Variants in MORC4 observed in about 807,000 individuals in gnomAD.
MORC4 encodes MORC family CW-type zinc finger protein 4.
A neutral mutation model predicts 65.5 loss-of-function variants in MORC4; 22 were observed. That is an observed-to-expected ratio of 0.34 (90% CI 0.24 to 0.48). The LOEUF is 0.48. MORC4 is among the 20% of genes least tolerant of loss of function. The pLI is 0.99. For missense variants in MORC4, 624 were observed against 703.0 expected, an observed-to-expected ratio of 0.89 and a Z score of 1.27; for synonymous variants, 267 against 255.8, an observed-to-expected ratio of 1.04 and a Z score of -0.42.
chrX:106,960,689 A>G (rs1934217060), intron 10 of MORC4, among the ~76,000 whole-genome samples: 1 of 111,428 alleles, frequency 9.0e-6, no homozygotes, highest in Non-Finnish European at 1.9e-5. Flanking sequence ...CAGCACACAC[A>G]CTCTCTAGCA....
chrX:106,990,691 G>T, intron 3 of MORC4, among the ~76,000 whole-genome samples: 1 of 112,015 alleles, frequency 8.9e-6, no homozygotes, highest in Non-Finnish European at 1.9e-5. Context: ...GGCCAACATG[G>T]TGAAACCCCG....
chrX:106,972,567 C>A (rs779985474), intron 9 of MORC4, among the ~76,000 whole-genome samples: 2 of 111,793 alleles, frequency 1.8e-5, no homozygotes, highest in South Asian at 7.6e-4. Context: ...CTGCCAAGAG[C>A]CTCTTGTTGG....
At chrX:106,994,137 C>T (rs776848663) in intron 2 of MORC4, among the ~76,000 whole-genome samples, 2 of 112,500 alleles carry the variant, frequency 1.8e-5, no homozygotes, top group South Asian at 7.5e-4. Flanking sequence ...ATTTAAGACT[C>T]CAAAGACATC....
At chrX:106,974,586 G>C (rs1379549197) in intron 9 of MORC4, among the ~76,000 whole-genome samples, 7 of 111,933 alleles carry the variant, frequency 6.3e-5, no homozygotes, top group Non-Finnish European at 1.1e-4. Context: ...GTTGATTAAA[G>C]AGCTTTTTTA....
intron 2 of MORC4, among the ~76,000 whole-genome samples, chrX:106,997,962 A>G (rs995999815): frequency 5.4e-5 from 6 of 111,859 alleles, no homozygotes; most frequent in African/African-American, 9.8e-5. Flanking sequence ...ATCGATTTCC[A>G]TTTTGTTGTT....
rs1934253570 is a variant in MORC4 at position 106,961,889 on chromosome X, T to C, written c.1256+123A>G. The C allele has an allele frequency of 5.5e-6, 3 of 540,714 alleles. No homozygotes were observed. In the African/African-American group the frequency reaches 6.9e-5, roughly 13 times the overall value. 44.6% of individuals were successfully genotyped at this position (540,714 alleles called of 1,213,427 possible). On this transcript the variant is annotated intron_variant, in intron 10 of 16. Coordinates refer to ENST00000355610, the MANE Select transcript of MORC4 (RefSeq NM_024657.5). ...ACCACGAAGGTCTGCAGCTTCATTC[T>C]TGAAGTCAGTGACACCACGAACCCA... is the stretch of plus-strand genomic sequence containing the variant.
chrX:106,988,343 T>C (rs1184896302), intron 3 of MORC4, among the ~76,000 whole-genome samples: 4 of 111,846 alleles, frequency 3.6e-5, no homozygotes, highest in Admixed American at 9.5e-5. Context: ...TTTTCCCCTT[T>C]GAAAGTATAA....
At chrX:106,956,604 T>C (rs1257284758) in intron 12 of MORC4, 70 bp from the exon 13 acceptor site, 4 of 859,489 alleles carry the variant, frequency 4.7e-6, no homozygotes, top group East Asian at 3.1e-5. Flanking sequence ...CTGCCAATTG[T>C]AGATTTAGGT....
chrX:106,961,125 T>G (rs984777903), intron 10 of MORC4, among the ~76,000 whole-genome samples: 6 of 111,554 alleles, frequency 5.4e-5, no homozygotes, highest in African/African-American at 2.0e-4. Context: ...CCAGCAATAT[T>G]CACTAGGAAT....
At chrX:106,963,342 T>A (rs947876085) in intron 9 of MORC4, among the ~76,000 whole-genome samples, 1 of 111,856 alleles carries the variant, frequency 8.9e-6, no homozygotes, top group Admixed American at 9.5e-5. Context: ...GTTTGCAACT[T>A]CCAGGAGAAG....
At chrX:106,971,910 C>T (rs947926713) in intron 9 of MORC4, among the ~76,000 whole-genome samples, 2 of 111,718 alleles carry the variant, frequency 1.8e-5, no homozygotes, top group Admixed American at 9.5e-5. Flanking sequence ...GACAGTGTGG[C>T]GATTCCTCAA....
chrX:106,945,919 T>C (rs1602472908), intron 14 of MORC4, among the ~76,000 whole-genome samples: 1 of 111,899 alleles, frequency 8.9e-6, no homozygotes, highest in East Asian at 2.8e-4. Context: ...ATCAGTTTTG[T>C]ATTATTTCAC....
chrX:106,941,481 A>G lies in MORC4; in HGVS notation c.2812T>C (p.Ter938ArgextTer44). 1 of 1,201,905 alleles carries G rather than the reference A, an allele frequency of 8.3e-7. No homozygotes were observed. Among genetic ancestry groups the G allele is most frequent in the East Asian group, 3.0e-5 (1 of 33,703 alleles). The change falls in exon 17 of 17, where the codon TGA becomes CGA. Residue 938 changes from the stop codon to arginine (R), a stop_lost. Transcript: ENST00000355610. ...TVLEANHILD[*>R] ...GAGAAGGGTATACAGTCTGGTGCTCAATCCAGTATGTGATTTGCCTCCAGC... is the reference window on the plus strand; with the variant it reads ...GAGAAGGGTATACAGTCTGGTGCTCGATCCAGTATGTGATTTGCCTCCAGC...
chrX:106,996,860 G>A (rs974387466), intron 2 of MORC4, among the ~76,000 whole-genome samples: 3 of 112,112 alleles, frequency 2.7e-5, no homozygotes, highest in Non-Finnish European at 5.6e-5. Flanking sequence ...TCAGAATCTA[G>A]GAGGCAATGA....
intron 14 of MORC4, among the ~76,000 whole-genome samples, chrX:106,947,573 A>ATATATATATATATAATATATATATAT (rs1933869896): frequency 1.4e-5 from 1 of 72,564 alleles, no homozygotes; most frequent in African/African-American, 8.0e-5. Flanking sequence ...TATATATATT[A>ATATATATATATATAATATATATATAT]TATATATATA....
chrX:106,986,625 T>C (rs1482844251), intron 3 of MORC4, among the ~76,000 whole-genome samples: 3 of 111,439 alleles, frequency 2.7e-5, no homozygotes, highest in Admixed American at 9.5e-5. Flanking sequence ...GTTCCAGATA[T>C]TGTCATTGGT....
At position 106,955,077 on chromosome X, in the gene MORC4, A is replaced by C. The variant is rs1287530460; in HGVS notation, c.1521T>G (p.Asn507Lys). The change falls in exon 14 of 17, where the codon AAT becomes AAG. Residue 507 changes from asparagine (N) to lysine (K), a missense_variant. Physicochemically the swap from Asn to Lys is moderately conservative, Grantham distance 94. Coordinates refer to ENST00000355610, the MANE Select transcript of MORC4 (RefSeq NM_024657.5). ...MENENHQVFS[N>K]PPKILTVQEM... ...CTTGAACAGTAAGGATCTTTGGTGG[A>C]TTACTGAATACCTATAAAAGACAGA... is the stretch of plus-strand genomic sequence containing the variant. 8.4e-7 allele frequency: 1 copy of C among 1,190,103 alleles called. No individual in the cohort carries two copies. Among genetic ancestry groups the C allele is most frequent in the East Asian group, 3.0e-5 (1 of 33,550 alleles).
chrX:106,988,443 G>A (rs1934917084), intron 3 of MORC4, among the ~76,000 whole-genome samples: 2 of 111,608 alleles, frequency 1.8e-5, no homozygotes, highest in African/African-American at 6.5e-5. Context: ...GAATGGAAAA[G>A]GATAAGAATA....
intron 14 of MORC4, among the ~76,000 whole-genome samples, chrX:106,945,556 A>G (rs1357694428): frequency 1.8e-5 from 2 of 109,460 alleles, no homozygotes; most frequent in Non-Finnish European, 3.8e-5. Flanking sequence ...AAACTTTCAC[A>G]TAAGAGGCAA....
Sources: gnomAD v4.1 joint callset for allele counts (sites outside exome capture counted in the v4.1 genomes callset) on GRCh38, gnomAD v4.1.1 for gene constraint, MANE v1.5 for transcripts, NCBI Gene and HGNC (gene_info 2026-07-23, HGNC 2026-07-21) for gene names.